Variants in CCBE1 observed in about 807,000 individuals in gnomAD.
CCBE1 encodes the protein collagen and calcium binding EGF domains 1.
In CCBE1, 37 loss-of-function variants were observed where a neutral mutation model predicts 50.0. The ratio of observed to expected loss-of-function variants is 0.74; its 90% CI spans 0.57 to 0.97. The LOEUF is 0.97. Ranked by LOEUF, CCBE1 falls within the 50% of genes least tolerant of loss-of-function variation. The pLI, the probability that CCBE1 is intolerant of heterozygous loss-of-function variation, is 0.00. For synonymous variants in CCBE1, 234 were observed against 203.7 expected (o/e 1.15, Z -1.27); for missense variants, 538 against 523.8 (o/e 1.03, Z -0.26).
At chr18:59,664,919 G>C (rs1290435488) in intron 2 of CCBE1, among the ~76,000 whole-genome samples, 1 of 152,196 alleles carries the variant, frequency 6.6e-6, no homozygotes, top group East Asian at 1.9e-4. Context: ...TGAGGGAGAA[G>C]TAAAGTTAAA....
At chr18:59,575,952 C>A (rs2052988962) in intron 2 of CCBE1, among the ~76,000 whole-genome samples, 1 of 152,222 alleles carries the variant, frequency 6.6e-6, no homozygotes, top group African/African-American at 2.4e-5. Flanking sequence ...CTTTAGTTAA[C>A]CCCTTCCCCT....
chr18:59,673,986 T>G (rs1401868223), intron 2 of CCBE1, among the ~76,000 whole-genome samples: 2 of 152,226 alleles, frequency 1.3e-5, no homozygotes, highest in Non-Finnish European at 2.9e-5. Context: ...TCCCTCTTTT[T>G]CTATTGTTTG....
chr18:59,657,612 C>T (rs1181978713), intron 2 of CCBE1, among the ~76,000 whole-genome samples: 1 of 152,248 alleles, frequency 6.6e-6, no homozygotes, highest in Non-Finnish European at 1.5e-5. Context: ...ATACATTGGG[C>T]CAAGCATGGT....
chr18:59,643,669 A>G (rs1424667039), intron 2 of CCBE1, among the ~76,000 whole-genome samples: 1 of 152,130 alleles, frequency 6.6e-6, no homozygotes, highest in Non-Finnish European at 1.5e-5. Context: ...AAAATACAAA[A>G]AATTAGCCAA....
chr18:59,583,680 T>TGCGC (rs35460738), intron 2 of CCBE1, among the ~76,000 whole-genome samples: 35 of 59,406 alleles, frequency 5.9e-4, no homozygotes, highest in Admixed American at 1.3e-3. Context: ...TGTGTGTGTG[T>TGCGC]GCGCGCGCGC....
At position 59,436,127 on chromosome 18, in the gene CCBE1, A is replaced by C; in HGVS notation, c.1002T>G (p.Ser334=). The part of the protein sequence containing the change: ...GPRGSPGPPG[S]FDFLLLMLAD... ...CCAGCATAAGTAGCAGGAAGTCGAA[A>C]GAACCAGGGGGTCCCTGTGTACATG... is the stretch of plus-strand genomic sequence containing the variant. Residue 334 remains serine, a synonymous_variant, in exon 11 of 11, where the codon TCT becomes TCG. Transcript: ENST00000439986. 2.5e-6 allele frequency: 4 copies of C among 1,614,222 alleles called. No individual in the cohort carries two copies. Among genetic ancestry groups the C allele is most frequent in the Non-Finnish European group, 2.5e-6 (3 of 1,180,038 alleles).
At chr18:59,476,606 A>G (rs750104057) in intron 3 of CCBE1, among the ~76,000 whole-genome samples, 3 of 152,268 alleles carry the variant, frequency 2.0e-5, no homozygotes, top group Admixed American at 6.5e-5. Context: ...ACCTTCATTT[A>G]CAGAATCAGA....
intron 2 of CCBE1, among the ~76,000 whole-genome samples, chr18:59,660,758 A>G (rs1332699657): frequency 6.6e-6 from 1 of 152,210 alleles, no homozygotes; most frequent in Non-Finnish European, 1.5e-5. Flanking sequence ...AAGTAATTCA[A>G]AAATACTTTC....
chr18:59,468,307 C>T (rs1024763937), intron 4 of CCBE1, among the ~76,000 whole-genome samples: 1 of 152,206 alleles, frequency 6.6e-6, no homozygotes. Flanking sequence ...ATCACAGGAG[C>T]ACGGGAGGTT....
At chr18:59,696,483 C>G in intron 2 of CCBE1, 146 bp downstream of exon 2, 2 of 1,517,802 alleles carry the variant, frequency 1.3e-6, no homozygotes, top group East Asian at 2.4e-5. Context: ...CTCAAAGATT[C>G]GCACCGCGCG....
intron 2 of CCBE1, among the ~76,000 whole-genome samples, chr18:59,662,762 C>T (rs539213825): frequency 1.4e-3 from 208 of 152,224 alleles, no homozygotes; most frequent in Non-Finnish European, 2.5e-3. Context: ...TGCTCTAAAG[C>T]GAGTTTATAG....
At chr18:59,575,746 G>T (rs2052985557) in intron 2 of CCBE1, among the ~76,000 whole-genome samples, 1 of 152,184 alleles carries the variant, frequency 6.6e-6, no homozygotes, top group African/African-American at 2.4e-5. Context: ...AGTGGCTAGA[G>T]GTAATCATCT....
chr18:59,535,168 C>CA (rs1266837985), intron 2 of CCBE1, among the ~76,000 whole-genome samples: 1 of 152,166 alleles, frequency 6.6e-6, no homozygotes, highest in Non-Finnish European at 1.5e-5. Context: ...ATGAGATTGA[C>CA]AGCATCATGA....
intron 2 of CCBE1, among the ~76,000 whole-genome samples, chr18:59,592,180 T>C (rs1292340248): frequency 1.3e-5 from 2 of 152,170 alleles, no homozygotes; most frequent in Non-Finnish European, 2.9e-5. Flanking sequence ...GCTATTATCC[T>C]GCCTGTGAAC....
chr18:59,623,781 G>A (rs1335111972), intron 2 of CCBE1, among the ~76,000 whole-genome samples: 1 of 152,100 alleles, frequency 6.6e-6, no homozygotes, highest in Non-Finnish European at 1.5e-5. Flanking sequence ...CTGCACTATT[G>A]AAAACACGGC....
intron 2 of CCBE1, among the ~76,000 whole-genome samples, chr18:59,689,180 T>G (rs925193598): frequency 4.6e-5 from 7 of 152,198 alleles, no homozygotes; most frequent in Non-Finnish European, 1.0e-4. Flanking sequence ...AGAGCCCCCC[T>G]GTATCTCCCA....
intron 2 of CCBE1, among the ~76,000 whole-genome samples, chr18:59,530,645 T>C (rs1241283403): frequency 2.0e-5 from 3 of 152,186 alleles, no homozygotes; most frequent in Non-Finnish European, 4.4e-5. Flanking sequence ...GCACAAGCAT[T>C]CACATGTGAC....
At chr18:59,566,626 G>T (rs2052832804) in intron 2 of CCBE1, among the ~76,000 whole-genome samples, 1 of 152,110 alleles carries the variant, frequency 6.6e-6, no homozygotes, top group Admixed American at 6.5e-5. Context: ...GTTCTGTTCT[G>T]GTGTAGATTG....
At chr18:59,475,843 G>A (rs147227698) in intron 3 of CCBE1, among the ~76,000 whole-genome samples, 1,682 of 152,166 alleles carry the variant, frequency 0.011, 30 homozygotes, top group African/African-American at 0.038. Flanking sequence ...CTCAGCCTCT[G>A]GAGTAGCTGG....
Sources: gnomAD v4.1 joint callset for allele counts (sites outside exome capture counted in the v4.1 genomes callset) on GRCh38, gnomAD v4.1.1 for gene constraint, MANE v1.5 for transcripts, NCBI Gene and HGNC (gene_info 2026-07-23, HGNC 2026-07-21) for gene names.